Variants in FOXP2 observed in about 807,000 individuals in gnomAD.
The protein encoded by FOXP2 is forkhead box P2.
FOXP2 carries 12 observed loss-of-function variants against 115.8 expected under a neutral mutation model. The ratio of observed to expected loss-of-function variants is 0.10; its 90% CI spans 0.07 to 0.17. The LOEUF (loss-of-function observed/expected upper bound fraction) is 0.17, where lower values mean the gene tolerates loss of function less well. Among genes scored for constraint, FOXP2 ranks in the 10% least tolerant of loss-of-function variants. The probability of loss-of-function intolerance (pLI) is 1.00; values close to 1 mark genes in which losing one functional copy is unlikely to be tolerated. For missense variants in FOXP2, 629 were observed against 843.5 expected, an observed-to-expected ratio of 0.75 and a Z score of 3.15; for synonymous variants, 328 against 297.7, an observed-to-expected ratio of 1.10 and a Z score of -1.05.
At chr7:114,111,522 G>A (rs1791267059) in intron 1 of FOXP2, among the ~76,000 whole-genome samples, 1 of 152,068 alleles carries the variant, frequency 6.6e-6, no homozygotes, top group Admixed American at 6.6e-5. Context: ...TTGTTATATA[G>A]CAATAGATAA....
intron 2 of FOXP2, among the ~76,000 whole-genome samples, chr7:114,533,643 A>G (rs553024742): frequency 6.6e-6 from 1 of 152,042 alleles, no homozygotes; most frequent in African/African-American, 2.4e-5. Flanking sequence ...ATATTAGGCC[A>G]ATGATTTAGT....
intron 1 of FOXP2, among the ~76,000 whole-genome samples, chr7:114,267,857 A>C (rs139943660): frequency 1.3e-5 from 2 of 151,824 alleles, no homozygotes; most frequent in African/African-American, 2.4e-5. Context: ...GTCATTAAGC[A>C]CATTCAGACT....
intron 2 of FOXP2, among the ~76,000 whole-genome samples, chr7:114,309,830 CTTT>C (rs563195470): frequency 2.9e-5 from 4 of 136,068 alleles, no homozygotes; most frequent in African/African-American, 2.7e-5. Context: ...ACACTCAACT[CTTT>C]TTTTTTTTTT....
chr7:114,381,513 A>G (rs1312322399), intron 2 of FOXP2, among the ~76,000 whole-genome samples: 1 of 152,184 alleles, frequency 6.6e-6, no homozygotes, highest in African/African-American at 2.4e-5. Flanking sequence ...GTGAGTTGAG[A>G]CGTTGGGTTC....
chr7:114,330,750 A>G (rs1381414478), intron 2 of FOXP2, among the ~76,000 whole-genome samples: 2 of 152,050 alleles, frequency 1.3e-5, no homozygotes, highest in Admixed American at 1.3e-4. Context: ...CAATAAAGAT[A>G]TATGTTTTTA....
At chr7:114,513,408 C>A (rs1388004116) in intron 2 of FOXP2, among the ~76,000 whole-genome samples, 1 of 151,928 alleles carries the variant, frequency 6.6e-6, no homozygotes, top group Non-Finnish European at 1.5e-5. Context: ...AAGTAGTTAC[C>A]AGTTTTGACT....
intron 2 of FOXP2, among the ~76,000 whole-genome samples, chr7:114,357,314 A>G (rs1283977433): frequency 1.3e-5 from 2 of 152,198 alleles, no homozygotes; most frequent in South Asian, 2.1e-4. Flanking sequence ...ATAAACTGGA[A>G]AGTTATAGGC....
intron 3 of FOXP2, among the ~76,000 whole-genome samples, chr7:114,579,359 G>T (rs1436364822): frequency 6.6e-6 from 1 of 152,084 alleles, no homozygotes; most frequent in Non-Finnish European, 1.5e-5. Context: ...ACTAGTGATA[G>T]AAATGGGTAC....
intron 2 of FOXP2, among the ~76,000 whole-genome samples, chr7:114,306,488 A>G (rs1353571349): frequency 8.5e-5 from 13 of 152,162 alleles, no homozygotes. Flanking sequence ...CACAACCCTA[A>G]GAAATACATC....
At chr7:114,423,009 G>A (rs978783500) in intron 1 of FOXP2, among the ~76,000 whole-genome samples, 1 of 151,626 alleles carries the variant, frequency 6.6e-6, no homozygotes, top group African/African-American at 2.4e-5. Flanking sequence ...CTATAACAGG[G>A]AGTCATATAC....
intron 2 of FOXP2, among the ~76,000 whole-genome samples, chr7:114,407,838 A>G (rs923840698): frequency 7.2e-5 from 11 of 152,114 alleles, no homozygotes; most frequent in Non-Finnish European, 1.0e-4. Flanking sequence ...TAAAGCTGTA[A>G]AAGCCCCAAG....
At chr7:114,321,971 A>C (rs2129181526) in intron 2 of FOXP2, among the ~76,000 whole-genome samples, 1 of 151,724 alleles carries the variant, frequency 6.6e-6, no homozygotes, top group South Asian at 2.1e-4. Flanking sequence ...TGCTCTGTTG[A>C]TGATTTTATT....
chr7:114,512,856 G>C (rs1798141515), intron 2 of FOXP2, among the ~76,000 whole-genome samples: 1 of 152,066 alleles, frequency 6.6e-6, no homozygotes, highest in Non-Finnish European at 1.5e-5. Flanking sequence ...GGCAGAGGCA[G>C]GTTGATCATG....
intron 1 of FOXP2, among the ~76,000 whole-genome samples, chr7:114,233,300 AT>A (rs1562828158): frequency 6.6e-6 from 1 of 152,218 alleles, no homozygotes; most frequent in Non-Finnish European, 1.5e-5. Context: ...GTATTTCATC[AT>A]TTCATCTTTA....
chr7:114,543,680 C>A (rs1239499450), intron 3 of FOXP2, among the ~76,000 whole-genome samples: 1 of 152,152 alleles, frequency 6.6e-6, no homozygotes, highest in East Asian at 1.9e-4. Context: ...AAGACCAGAT[C>A]AACTTTTTAG....
At chr7:114,276,522 T>C (rs988407955) in intron 1 of FOXP2, among the ~76,000 whole-genome samples, 3 of 152,092 alleles carry the variant, frequency 2.0e-5, no homozygotes, top group Non-Finnish European at 4.4e-5. Flanking sequence ...CTTGAAGTGA[T>C]GTTTCTTTGA....
intron 1 of FOXP2, among the ~76,000 whole-genome samples, chr7:114,176,667 GTT>G (rs35612669): frequency 0.015 from 1,665 of 113,736 alleles, 9 homozygotes; most frequent in Middle Eastern, 0.047. Context: ...TTCTTAGGTT[GTT>G]TTTTTTTTTT....
In FOXP2 at chr7:114,691,335, T is replaced by C. The variant is rs550564943; in HGVS notation, c.*1409T>C. 23 of 453,738 alleles carry C rather than the reference T, an allele frequency of 5.1e-5. No homozygotes were observed. The highest frequency in any genetic ancestry group is 4.4e-4 in the African/African-American group (22 of 50,070). The allele number at this position is 453,738 out of a possible 1,614,324, so 28.1% of individuals were successfully genotyped here. ...AAGCCAAAAATTAATTTCATATTGA[T>C]TTTAAAGTGATCTAGCTGAGTTTTT... On this transcript the variant is annotated 3_prime_UTR_variant, in exon 17 of 17. Coordinates refer to ENST00000350908, the MANE Select transcript of FOXP2 (RefSeq NM_014491.4).
chr7:114,659,469 T>A, intron 12 of FOXP2, 37 bp downstream of exon 12: 1 of 1,592,938 alleles, frequency 6.3e-7, no homozygotes, highest in East Asian at 2.2e-5. Context: ...CTGATTAAAT[T>A]AAAATTCATT....
Sources: allele counts gnomAD v4.1 joint callset (sites outside exome capture counted in the v4.1 genomes callset), GRCh38; gene constraint gnomAD v4.1.1; transcripts MANE v1.5; gene names NCBI Gene and HGNC (gene_info 2026-07-23, HGNC 2026-07-21).